Variants in RAB38 observed in about 807,000 individuals in gnomAD.
RAB38 encodes RAB38, member RAS oncogene family.
A neutral mutation model predicts 18.4 loss-of-function variants in RAB38; 15 were observed. That is an observed-to-expected ratio of 0.82 (90% CI 0.55 to 1.26). The LOEUF is 1.26. RAB38 is among the 50% of genes most tolerant of loss of function. RAB38 has a pLI of 0.00. For synonymous variants in RAB38, 101 were observed against 104.4 expected (o/e 0.97, Z 0.20); for missense variants, 294 against 267.4 (o/e 1.10, Z -0.69).
chr11:87,917,628 C>T, the RAB38 span, among the ~76,000 whole-genome samples: 3 of 144,966 alleles, frequency 2.1e-5, no homozygotes, highest in Non-Finnish European at 4.5e-5. Context: ...CTATTGTTAT[C>T]GGCACCAACA....
chr11:88,115,931 G>C (rs1942545240), intron 2 of RAB38: 2 of 152,150 alleles, frequency 1.3e-5, no homozygotes, highest in Non-Finnish European at 2.9e-5. Context: ...GTAAGGGTGG[G>C]GATGGCATTT....
chr11:87,936,658 T>C, the RAB38 span, among the ~76,000 whole-genome samples: 2 of 152,126 alleles, frequency 1.3e-5, no homozygotes, highest in Admixed American at 1.3e-4. Flanking sequence ...TGAGATATTC[T>C]AGCTCATTAG....
chr11:88,059,820 T>C, the RAB38 span, among the ~76,000 whole-genome samples: 1 of 152,124 alleles, frequency 6.6e-6, no homozygotes, highest in Non-Finnish European at 1.5e-5. Context: ...TCCGGCTCAC[T>C]GTCAGCCTTG....
the RAB38 span, among the ~76,000 whole-genome samples, chr11:87,944,527 C>T: frequency 2.0e-5 from 3 of 152,124 alleles, no homozygotes; most frequent in Non-Finnish European, 4.4e-5. Flanking sequence ...CCAGAAGGTT[C>T]TCTGTGCCTA....
At chr11:87,905,841 T>A in the RAB38 span, among the ~76,000 whole-genome samples, 1 of 151,970 alleles carries the variant, frequency 6.6e-6, no homozygotes, top group Non-Finnish European at 1.5e-5. Context: ...CAGTTATTGA[T>A]TCTCTTGTAC....
chr11:88,147,894 A>C (rs1943011514), intron 2 of RAB38, among the ~76,000 whole-genome samples: 1 of 152,158 alleles, frequency 6.6e-6, no homozygotes, highest in African/African-American at 2.4e-5. Context: ...CTCTGTCTCA[A>C]AAAAACAAAC....
the RAB38 span, among the ~76,000 whole-genome samples, chr11:87,951,336 C>T: frequency 3.6e-4 from 55 of 151,978 alleles, no homozygotes; most frequent in African/African-American, 1.3e-3. Context: ...GCCATTGGTT[C>T]GAATTTCCTC....
chr11:88,091,444 G>A, the RAB38 span, among the ~76,000 whole-genome samples: 2 of 151,890 alleles, frequency 1.3e-5, no homozygotes, highest in Admixed American at 6.6e-5. Context: ...TAATGTTACA[G>A]CTTGGTAGCA....
chr11:87,889,930 C>G, the RAB38 span, among the ~76,000 whole-genome samples: 1 of 151,714 alleles, frequency 6.6e-6, no homozygotes, highest in Non-Finnish European at 1.5e-5. Context: ...ATATTAGAGA[C>G]ACACTAAATG....
At chr11:88,051,257 G>A in the RAB38 span, among the ~76,000 whole-genome samples, 2 of 151,952 alleles carry the variant, frequency 1.3e-5, no homozygotes, top group East Asian at 1.9e-4. Flanking sequence ...CCAGGGTACT[G>A]GAAACTGACA....
the RAB38 span, among the ~76,000 whole-genome samples, chr11:87,904,149 G>C: frequency 1.3e-5 from 2 of 151,380 alleles, no homozygotes; most frequent in African/African-American, 4.8e-5. Flanking sequence ...GTTTGTTATT[G>C]GGTATACTGT....
At chr11:88,170,196 T>G (rs1943293547) in intron 1 of RAB38, among the ~76,000 whole-genome samples, 1 of 152,206 alleles carries the variant, frequency 6.6e-6, no homozygotes, top group Non-Finnish European at 1.5e-5. Flanking sequence ...ACTGTACACA[T>G]TATTTACCCG....
chr11:87,977,762 ATATTATAGT>A, the RAB38 span, among the ~76,000 whole-genome samples: 1 of 114,024 alleles, frequency 8.8e-6, no homozygotes, highest in Admixed American at 1.1e-4. Context: ...TATATATATT[ATATTATAGT>A]TATATATTAT....
At chr11:87,901,228 T>G in the RAB38 span, among the ~76,000 whole-genome samples, 2 of 151,562 alleles carry the variant, frequency 1.3e-5, no homozygotes, top group Non-Finnish European at 3.0e-5. Context: ...GAAAAATCCC[T>G]GCAGACTAGT....
chr11:87,829,429 A>G, the RAB38 span, among the ~76,000 whole-genome samples: 1 of 152,174 alleles, frequency 6.6e-6, no homozygotes, highest in African/African-American at 2.4e-5. Flanking sequence ...ACAGTTCCCC[A>G]TGGCTGGAGA....
At chr11:87,977,559 T>A in the RAB38 span, among the ~76,000 whole-genome samples, 1 of 118,720 alleles carries the variant, frequency 8.4e-6, no homozygotes, top group East Asian at 2.5e-4. Context: ...AATATAATTA[T>A]ATAATATACT....
the RAB38 span, among the ~76,000 whole-genome samples, chr11:87,976,155 T>C: frequency 6.7e-6 from 1 of 148,596 alleles, no homozygotes. Flanking sequence ...TATACATATA[T>C]ATACCTTTAT....
the RAB38 span, among the ~76,000 whole-genome samples, chr11:87,833,799 A>T: frequency 3.6e-4 from 55 of 152,330 alleles, no homozygotes; most frequent in South Asian, 0.011. Context: ...TGAGGTATGC[A>T]TGTGTTTTCT....
the RAB38 span, among the ~76,000 whole-genome samples, chr11:88,033,392 GA>G: frequency 5.4e-4 from 76 of 140,430 alleles, no homozygotes; most frequent in East Asian, 1.4e-3. Context: ...ATAAAAAAAA[GA>G]AAAAAAAAAG....
Sources: gnomAD v4.1 joint callset for allele counts (sites outside exome capture counted in the v4.1 genomes callset) on GRCh38, gnomAD v4.1.1 for gene constraint, MANE v1.5 for transcripts, NCBI Gene and HGNC (gene_info 2026-07-23, HGNC 2026-07-21) for gene names.